The following TRMT11 variants were observed in gnomAD, a reference collection of about 807,000 sequenced individuals.
TRMT11 encodes tRNA (guanine(10)-N(2))-methyltransferase TRMT11.
TRMT11 carries 53 observed loss-of-function variants against 62.8 expected under a neutral mutation model. The observed-to-expected ratio is 0.84, with a 90% CI of 0.68 to 1.06. The LOEUF is 1.06. Among genes scored for constraint, TRMT11 ranks in the 50% least tolerant of loss-of-function variants. The probability of loss-of-function intolerance (pLI) is 0.00; values close to 1 mark genes in which losing one functional copy is unlikely to be tolerated. For synonymous variants in TRMT11, 188 were observed against 190.3 expected, an observed-to-expected ratio of 0.99 and a Z score of 0.10; for missense variants, 556 against 553.4, an observed-to-expected ratio of 1.00 and a Z score of -0.05.
chr6:126,105,594 G>GT (rs1252090560), intron 17 of TRMT11, among the ~76,000 whole-genome samples: 2,929 of 140,704 alleles, frequency 0.021, 56 homozygotes, highest in African/African-American at 0.062. Flanking sequence ...CTTTAAGATT[G>GT]TTTTTTTTTT....
intron 17 of TRMT11, among the ~76,000 whole-genome samples, chr6:126,066,195 G>A (rs1441801709): frequency 1.3e-5 from 2 of 152,186 alleles, no homozygotes; most frequent in African/African-American, 4.8e-5. Context: ...TCCAGGCCAG[G>A]GTGTGGCTGG....
intron 11 of TRMT11, among the ~76,000 whole-genome samples, chr6:126,017,086 A>G (rs1795101243): frequency 6.6e-6 from 1 of 152,206 alleles, no homozygotes; most frequent in Non-Finnish European, 1.5e-5. Flanking sequence ...AACAGTTTAG[A>G]ATAGTTTAAC....
chr6:126,266,286 C>T, the TRMT11 span, among the ~76,000 whole-genome samples: 10 of 152,214 alleles, frequency 6.6e-5, no homozygotes, highest in South Asian at 1.0e-3. Context: ...TTACTTGGGG[C>T]GCTCAGAATG....
rs1399301343 is a variant in TRMT11, at chr6:126,157,405, T to C, written c.*1824-17420T>C. Among the ~76,000 whole-genome samples the C allele has an allele frequency of 5.3e-5, 8 of 152,228 alleles. No individual in the cohort carries two copies. The East Asian group carries it at 1.5e-3, about 29-fold the overall frequency. On this transcript the variant is annotated intron_variant and NMD_transcript_variant, in intron 21 of 22. Coordinates refer to the TRMT11 transcript ENST00000648977. ...AACCCTTTTCCTCCTCAAGAAAGCC[T>C]GGCTCCTGCTAAACCAAAAGCCTTT...
At chr6:126,156,138 C>T (rs1444271297) in intron 21 of TRMT11, among the ~76,000 whole-genome samples, 2 of 152,210 alleles carry the variant, frequency 1.3e-5, no homozygotes, top group Admixed American at 1.3e-4. Flanking sequence ...GCAGCTCTGC[C>T]CTTGTGGCTT....
intron 21 of TRMT11, among the ~76,000 whole-genome samples, chr6:126,125,091 T>C (rs890377033): frequency 3.3e-5 from 5 of 152,094 alleles, no homozygotes; most frequent in Non-Finnish European, 7.4e-5. Context: ...CAGGGCCCTG[T>C]GGCTCAAGTG....
At chr6:126,019,308 A>G (rs1409370922) in intron 11 of TRMT11, among the ~76,000 whole-genome samples, 1 of 152,240 alleles carries the variant, frequency 6.6e-6, no homozygotes, top group African/African-American at 2.4e-5. Context: ...GTCAAAAAAG[A>G]TAATATGAAA....
At chr6:126,165,171 A>C (rs754542096) in intron 21 of TRMT11, among the ~76,000 whole-genome samples, 3 of 151,816 alleles carry the variant, frequency 2.0e-5, no homozygotes, top group Non-Finnish European at 4.4e-5. Flanking sequence ...CCAGCTACTC[A>C]GGAGGCTGAG....
Position 126,038,859 on chromosome 6 carries a change from G to T in TRMT11, c.*23G>T. On this transcript the variant is annotated 3_prime_UTR_variant, in exon 13 of 13. Transcript: ENST00000334379. ...TGAAAATTAAGATTTTGACAATGAA[G>T]AAAGAATAAGAATTTGATTTAAAAA... 6.4e-7 allele frequency: 1 copy of T among 1,570,386 alleles called. No homozygotes were observed. The highest frequency in any genetic ancestry group is 1.2e-5 in the South Asian group (1 of 83,808).
At chr6:126,156,450 C>G (rs1483077469) in intron 21 of TRMT11, among the ~76,000 whole-genome samples, 1 of 152,240 alleles carries the variant, frequency 6.6e-6, no homozygotes, top group Non-Finnish European at 1.5e-5. Context: ...TGGGAGCTGT[C>G]AAGCCTCCTT....
chr6:126,213,047 C>A, the TRMT11 span, among the ~76,000 whole-genome samples: 2 of 152,054 alleles, frequency 1.3e-5, no homozygotes, highest in East Asian at 3.9e-4. Context: ...CCAGTGTATG[C>A]TATTGGCATC....
intron 1 of TRMT11, among the ~76,000 whole-genome samples, chr6:126,182,535 A>G (rs1778479286): frequency 6.6e-6 from 1 of 151,830 alleles, no homozygotes; most frequent in Admixed American, 6.6e-5. Flanking sequence ...ATCTTCCCTT[A>G]TGGGGTCTGT....
At chr6:126,148,064 T>C (rs577229902) in intron 21 of TRMT11, among the ~76,000 whole-genome samples, 1 of 152,266 alleles carries the variant, frequency 6.6e-6, no homozygotes, top group Non-Finnish European at 1.5e-5. Flanking sequence ...AAAAAATTCC[T>C]GAGATTGTAT....
chr6:126,047,205 CCACGG>C (rs1378874386), intron 16 of TRMT11, among the ~76,000 whole-genome samples: 1 of 151,892 alleles, frequency 6.6e-6, no homozygotes, highest in Non-Finnish European at 1.5e-5. Context: ...GCCTGAAAAC[CCACGG>C]CCCTAATTGG....
intron 21 of TRMT11, among the ~76,000 whole-genome samples, chr6:126,149,022 C>T (rs990651850): frequency 1.3e-5 from 2 of 152,156 alleles, no homozygotes; most frequent in African/African-American, 2.4e-5. Flanking sequence ...CTGTGATTTA[C>T]AAACCATAGT....
At chr6:126,099,679 G>A (rs538742485) in intron 17 of TRMT11, among the ~76,000 whole-genome samples, 4 of 152,302 alleles carry the variant, frequency 2.6e-5, no homozygotes, top group East Asian at 3.9e-4. Context: ...CAGGGGAGGC[G>A]GAAGTTGCGG....
downstream of TRMT11, among the ~76,000 whole-genome samples, chr6:126,039,462 A>T (rs763231126): frequency 1.3e-5 from 2 of 152,032 alleles, no homozygotes; most frequent in African/African-American, 2.4e-5. Context: ...TGTACCTTGG[A>T]TTTGCTCCTG....
chr6:126,156,513 C>T (rs975420317), intron 21 of TRMT11, among the ~76,000 whole-genome samples: 2 of 152,320 alleles, frequency 1.3e-5, no homozygotes, highest in South Asian at 2.1e-4. Context: ...GACTAACATT[C>T]GTCAGTACTA....
chr6:126,242,937 A>T, the TRMT11 span, among the ~76,000 whole-genome samples: 2 of 152,242 alleles, frequency 1.3e-5, no homozygotes, highest in Non-Finnish European at 1.5e-5. Context: ...GACAAATGGG[A>T]TCTAACTAAA....
Sources: allele counts gnomAD v4.1 joint callset (sites outside exome capture counted in the v4.1 genomes callset), GRCh38; gene constraint gnomAD v4.1.1; transcripts MANE v1.5; gene names NCBI Gene and HGNC (gene_info 2026-07-23, HGNC 2026-07-21).